Variants in PPFIA2 observed in about 807,000 individuals in gnomAD.
PPFIA2 encodes liprin-alpha-2.
A neutral mutation model predicts 175.5 loss-of-function variants in PPFIA2; 46 were observed. The ratio of observed to expected loss-of-function variants is 0.26; its 90% CI spans 0.21 to 0.34. The LOEUF is 0.34. PPFIA2 is among the 10% of genes least tolerant of loss of function. The pLI, the probability that PPFIA2 is intolerant of heterozygous loss-of-function variation, is 1.00. For missense variants in PPFIA2, 1,179 were observed against 1,506.1 expected, an observed-to-expected ratio of 0.78 and a Z score of 3.60; for synonymous variants, 568 against 511.4, an observed-to-expected ratio of 1.11 and a Z score of -1.49.
At chr12:81,262,124 A>G in intron 31 of PPFIA2, 84 bp from the exon 32 acceptor site, 39 of 955,630 alleles carry the variant, frequency 4.1e-5, no homozygotes, top group Non-Finnish European at 6.3e-5. Flanking sequence ...TTCCCTGCAT[A>G]CAGGGATTCC....
At chr12:81,630,139 TCCAGTGGAACACAGCCTGG>T (rs749197001) in intron 4 of PPFIA2, among the ~76,000 whole-genome samples, 24 of 152,166 alleles carry the variant, frequency 1.6e-4, no homozygotes, top group Non-Finnish European at 2.9e-4. Context: ...CCTTAGAGTC[TCCAGTGGAACACAGCCTGG>T]CTAACGCTAT....
At chr12:81,503,362 ACT>A (rs1431083545) in intron 4 of PPFIA2, among the ~76,000 whole-genome samples, 7 of 152,118 alleles carry the variant, frequency 4.6e-5, no homozygotes, top group South Asian at 4.1e-4. Flanking sequence ...ACAAACAAAA[ACT>A]CTGTCAAATT....
chr12:81,507,679 G>A (rs1049904382), intron 4 of PPFIA2, among the ~76,000 whole-genome samples: 6 of 152,118 alleles, frequency 3.9e-5, no homozygotes, highest in Non-Finnish European at 5.9e-5. Flanking sequence ...CTCAATTACT[G>A]TAGTAACCTA....
intron 4 of PPFIA2, among the ~76,000 whole-genome samples, chr12:81,615,137 G>A (rs1457766019): frequency 2.0e-5 from 3 of 152,220 alleles, no homozygotes; most frequent in Non-Finnish European, 4.4e-5. Context: ...TTCTGAGGGA[G>A]CAAATGGATT....
At chr12:81,316,203 C>A (rs1313531019) in intron 22 of PPFIA2, among the ~76,000 whole-genome samples, 1 of 151,400 alleles carries the variant, frequency 6.6e-6, no homozygotes, top group East Asian at 1.9e-4. Flanking sequence ...GTAATTACTG[C>A]CCTTCTTAGA....
chr12:81,573,130 T>C (rs888769104), intron 4 of PPFIA2, among the ~76,000 whole-genome samples: 2 of 151,926 alleles, frequency 1.3e-5, no homozygotes, highest in African/African-American at 4.8e-5. Flanking sequence ...ATGTCAAATA[T>C]GACTTCAGAT....
intron 4 of PPFIA2, among the ~76,000 whole-genome samples, chr12:81,501,454 C>T (rs1271637392): frequency 2.6e-5 from 4 of 152,066 alleles, no homozygotes; most frequent in Admixed American, 6.6e-5. Flanking sequence ...CTTTTGTTTA[C>T]TGTCTATGCC....
intron 30 of PPFIA2, among the ~76,000 whole-genome samples, chr12:81,265,277 G>A (rs972858264): frequency 3.8e-5 from 4 of 106,446 alleles, no homozygotes; most frequent in Admixed American, 1.3e-4. Context: ...TGGGCAACAA[G>A]AGCGAAACTC....
intron 4 of PPFIA2, among the ~76,000 whole-genome samples, chr12:81,624,399 A>G (rs909897617): frequency 6.8e-6 from 1 of 147,872 alleles, no homozygotes; most frequent in Admixed American, 6.8e-5. Flanking sequence ...TACTGATTTT[A>G]TATTTCACTA....
At chr12:81,692,754 G>GT (rs1204176334) in intron 3 of PPFIA2, among the ~76,000 whole-genome samples, 2 of 152,046 alleles carry the variant, frequency 1.3e-5, no homozygotes, top group Non-Finnish European at 2.9e-5. Flanking sequence ...AACTTGTACT[G>GT]TATCTGCTTC....
intron 4 of PPFIA2, among the ~76,000 whole-genome samples, chr12:81,668,994 C>T (rs902957074): frequency 7.2e-5 from 11 of 151,930 alleles, no homozygotes; most frequent in African/African-American, 1.9e-4. Flanking sequence ...TATGTGCCAG[C>T]GTTGGTGGTC....
chr12:81,592,273 G>A (rs1470027703), intron 4 of PPFIA2, among the ~76,000 whole-genome samples: 1 of 152,138 alleles, frequency 6.6e-6, no homozygotes, highest in East Asian at 1.9e-4. Flanking sequence ...AGGCTCATAG[G>A]CAGAAGAAAC....
At chr12:81,449,232 C>T (rs888970023) in intron 5 of PPFIA2, among the ~76,000 whole-genome samples, 6 of 152,108 alleles carry the variant, frequency 3.9e-5, no homozygotes, top group East Asian at 1.9e-4. Context: ...CATGGCTGAA[C>T]GGCCCAGTGG....
At chr12:81,474,421 T>C (rs894331641) in intron 4 of PPFIA2, among the ~76,000 whole-genome samples, 6 of 152,028 alleles carry the variant, frequency 3.9e-5, no homozygotes, top group Admixed American at 1.3e-4. Flanking sequence ...CCTCCCAAAC[T>C]GCTGGGATTA....
At chr12:81,556,496 T>C (rs906556997) in intron 4 of PPFIA2, among the ~76,000 whole-genome samples, 3 of 151,872 alleles carry the variant, frequency 2.0e-5, no homozygotes, top group Non-Finnish European at 4.4e-5. Flanking sequence ...CAAACTAACA[T>C]AACATATATT....
intron 4 of PPFIA2, among the ~76,000 whole-genome samples, chr12:81,487,195 T>C (rs2058924445): frequency 6.6e-6 from 1 of 151,798 alleles, no homozygotes. Context: ...TCTGTCTATT[T>C]ACATGAGGGA....
chr12:81,506,045 T>C (rs969531110), intron 4 of PPFIA2: 1 of 152,232 alleles, frequency 6.6e-6, no homozygotes, highest in Non-Finnish European at 1.5e-5. Context: ...ACGTCCCTGA[T>C]GTACAGTAAG....
intron 4 of PPFIA2, among the ~76,000 whole-genome samples, chr12:81,503,404 G>C (rs1284308132): frequency 6.6e-6 from 1 of 151,828 alleles, no homozygotes; most frequent in African/African-American, 2.4e-5. Flanking sequence ...AGACCAAATG[G>C]TTTTCCCACT....
chr12:81,479,647 T>C (rs952693912), intron 4 of PPFIA2, among the ~76,000 whole-genome samples: 38 of 152,336 alleles, frequency 2.5e-4, no homozygotes, highest in African/African-American at 8.9e-4. Context: ...CAGCATTTGC[T>C]TGTCTGTAAA....
Sources: allele counts gnomAD v4.1 joint callset (sites outside exome capture counted in the v4.1 genomes callset), GRCh38; gene constraint gnomAD v4.1.1; transcripts MANE v1.5; gene names NCBI Gene and HGNC (gene_info 2026-07-23, HGNC 2026-07-21).